NCK2: variants seen among roughly 807,000 people sequenced by gnomAD.
NCK2 encodes the protein NCK adaptor protein 2.
A neutral mutation model predicts 33.9 loss-of-function variants in NCK2; 16 were observed. The ratio of observed to expected loss-of-function variants is 0.47; its 90% CI spans 0.32 to 0.72. The LOEUF is 0.72. Among genes scored for constraint, NCK2 ranks in the 30% least tolerant of loss-of-function variants. The pLI is 0.03. For missense variants in NCK2, 418 were observed against 537.3 expected, an observed-to-expected ratio of 0.78 and a Z score of 2.19; for synonymous variants, 273 against 239.9, an observed-to-expected ratio of 1.14 and a Z score of -1.27.
At chr2:105,853,677 A>G (rs1184825540) in intron 2 of NCK2, among the ~76,000 whole-genome samples, 2 of 152,220 alleles carry the variant, frequency 1.3e-5, no homozygotes, top group Non-Finnish European at 2.9e-5. Flanking sequence ...GATTTTATTC[A>G]GAGGGACTAC....
In NCK2 at chr2:105,893,613, G is replaced by T. The variant is rs929914799; in HGVS notation, c.*437G>T. 2.2e-5 allele frequency: 4 copies of T among 179,196 alleles called. No homozygotes were observed. The highest frequency in any genetic ancestry group is 9.3e-5 in the African/African-American group (4 of 43,068). 11.1% of individuals were successfully genotyped at this position (179,196 alleles called of 1,614,324 possible). On this transcript the variant is annotated 3_prime_UTR_variant, in exon 5 of 5. Coordinates refer to ENST00000233154, the MANE Select transcript of NCK2 (RefSeq NM_003581.5). ...TCCTAGCAGCCCTCGCCCATGTCCT[G>T]TGCCCTTACATGGCTCCCGGACTGT...
chr2:105,755,654 A>C (rs1689579231), intron 1 of NCK2, among the ~76,000 whole-genome samples: 1 of 151,792 alleles, frequency 6.6e-6, no homozygotes, highest in African/African-American at 2.4e-5. Context: ...CAGGTACACG[A>C]ATACCTTTTT....
chr2:105,744,858 G>GGGAGGGTCGCCGCCGCCGCC (rs1553448906), upstream of NCK2: 3 of 149,448 alleles, frequency 2.0e-5, no homozygotes, highest in African/African-American at 7.6e-5. Context: ...TGCGCGCCGG[G>GGGAGGGTCGCCGCCGCCGCC]GGAGGGTCGC....
rs184842642 is a variant in NCK2 at position 105,772,568 on chromosome 2, G to A, written c.-201+27430G>A. ...GGTCAGCCGCATGTTACTGATGCTGGGTTAAACATTGAGCCAGTACTTGCC... is the reference window on the plus strand; with the variant it reads ...GGTCAGCCGCATGTTACTGATGCTGAGTTAAACATTGAGCCAGTACTTGCC... On this transcript the variant is annotated intron_variant, in intron 1 of 4. Coordinates refer to ENST00000233154, the MANE Select transcript of NCK2 (RefSeq NM_003581.5). 2.6e-5 allele frequency among the ~76,000 whole-genome samples: 4 copies of A among 152,150 alleles called. No individual in the cohort carries two copies. The East Asian group carries it at 7.7e-4, about 29-fold the overall frequency.
chr2:105,753,854 G>C (rs1461642672), intron 1 of NCK2, among the ~76,000 whole-genome samples: 1 of 152,212 alleles, frequency 6.6e-6, no homozygotes, highest in Non-Finnish European at 1.5e-5. Context: ...TTCCAAGGTG[G>C]CTTTGAAATC....
chr2:105,791,887 C>G (rs748866548), intron 1 of NCK2, among the ~76,000 whole-genome samples: 3 of 152,112 alleles, frequency 2.0e-5, no homozygotes, highest in Admixed American at 6.5e-5. Context: ...ACTGATTTTT[C>G]TTTTTGGGAG....
chr2:105,786,545 C>A (rs1186686879), intron 1 of NCK2, among the ~76,000 whole-genome samples: 3 of 152,196 alleles, frequency 2.0e-5, no homozygotes, highest in Admixed American at 6.5e-5. Context: ...TCAGACTCAT[C>A]CACACCTTTA....
Position 105,881,745 on chromosome 2 carries a change from A to T in NCK2, c.644A>T (p.Asn215Ile). The T allele has an allele frequency of 6.2e-7, 1 of 1,614,184 alleles. No homozygotes were observed. The highest frequency in any genetic ancestry group is 8.5e-7 in the Non-Finnish European group (1 of 1,180,024). Residue 215 changes from asparagine to isoleucine, a missense_variant, in exon 4 of 5, where the codon AAC (asparagine) becomes ATC (isoleucine). Physicochemically the swap from Asn to Ile is moderately radical, Grantham distance 149 (BLOSUM62 -3). Transcript: ENST00000233154. ...AGCTCAGTCACCGAGGAGGAGCTCA[A>T]CTTCGAGAAGGGGGAGACCATGGAG... ...PFSSVTEEELNFEKGETMEVI... is the reference protein window; with the variant it reads ...PFSSVTEEELIFEKGETMEVI...
rs550180386 is a variant in NCK2 at position 105,791,374 on chromosome 2, C to T, written c.-200-25056C>T. Among the ~76,000 whole-genome samples, 8 of 152,226 alleles carry T rather than the reference C, an allele frequency of 5.3e-5. No individual in the cohort carries two copies. In the South Asian group the frequency reaches 1.7e-3, roughly 32 times the overall value. ...TCTCTTCACTCCAGAAGAAGAGTGA[C>T]CAGGTGTGGTGGAAGGCTCGGTGGC... is the stretch of plus-strand genomic sequence containing the variant. On this transcript the variant is annotated intron_variant, in intron 1 of 4. Coordinates refer to ENST00000233154, the MANE Select transcript of NCK2 (RefSeq NM_003581.5).
intron 4 of NCK2, 105 bp downstream of exon 4, chr2:105,882,154 A>C: frequency 8.0e-7 from 1 of 1,249,444 alleles, no homozygotes; most frequent in Non-Finnish European, 1.0e-6. Context: ...CACTAGAAAG[A>C]GCGGGAGACG....
intron 1 of NCK2, among the ~76,000 whole-genome samples, chr2:105,749,869 G>C (rs1689396905): frequency 6.6e-6 from 1 of 152,020 alleles, no homozygotes; most frequent in Non-Finnish European, 1.5e-5. Flanking sequence ...TGCCTTAAGA[G>C]AATAACACAC....
chr2:105,885,657 C>T (rs1022214261), intron 4 of NCK2, among the ~76,000 whole-genome samples: 1 of 151,944 alleles, frequency 6.6e-6, no homozygotes, highest in African/African-American at 2.4e-5. Flanking sequence ...ATTAATAGCA[C>T]GTTTCTTGGT....
chr2:105,833,065 C>T (rs1378303649), intron 2 of NCK2, among the ~76,000 whole-genome samples: 3 of 148,636 alleles, frequency 2.0e-5, no homozygotes, highest in South Asian at 2.1e-4. Context: ...CAGGTCTCCC[C>T]TCCCCTCCCC....
chr2:105,770,699 G>A (rs904984283), intron 1 of NCK2, among the ~76,000 whole-genome samples: 1 of 152,134 alleles, frequency 6.6e-6, no homozygotes, highest in Non-Finnish European at 1.5e-5. Flanking sequence ...TCGATATTTA[G>A]TAATCTGAAT....
chr2:105,770,588 G>A (rs913979249), intron 1 of NCK2, among the ~76,000 whole-genome samples: 1 of 151,890 alleles, frequency 6.6e-6, no homozygotes, highest in Non-Finnish European at 1.5e-5. Context: ...GTGTAGATAT[G>A]CTCTAGAAAC....
At chr2:105,760,093 T>C (rs1180419621) in intron 1 of NCK2, among the ~76,000 whole-genome samples, 1 of 152,204 alleles carries the variant, frequency 6.6e-6, no homozygotes, top group Admixed American at 6.5e-5. Flanking sequence ...AAGGAGGTCA[T>C]TTAAGGAAGA....
chr2:105,796,609 A>G (rs1691090332), intron 1 of NCK2, among the ~76,000 whole-genome samples: 1 of 152,124 alleles, frequency 6.6e-6, no homozygotes. Context: ...AAGGCTGGAG[A>G]TGGTGCTTTT....
intron 2 of NCK2, among the ~76,000 whole-genome samples, chr2:105,842,035 A>G (rs932806616): frequency 6.6e-6 from 1 of 152,138 alleles, no homozygotes; most frequent in Non-Finnish European, 1.5e-5. Context: ...AGTTAGATTT[A>G]AGCAGACCTG....
At chr2:105,864,245 T>A (rs1032366113) in intron 3 of NCK2, among the ~76,000 whole-genome samples, 2 of 151,958 alleles carry the variant, frequency 1.3e-5, no homozygotes, top group African/African-American at 4.8e-5. Context: ...TGGAAGGGCC[T>A]GAGCCTGGCA....
Sources: allele counts gnomAD v4.1 joint callset (sites outside exome capture counted in the v4.1 genomes callset), GRCh38; gene constraint gnomAD v4.1.1; transcripts MANE v1.5; gene names NCBI Gene and HGNC (gene_info 2026-07-23, HGNC 2026-07-21).